Variants in GLI2 observed in about 807,000 individuals in gnomAD.
GLI2 encodes the protein transcription activator GLI2.
Under a neutral mutation model 78.9 loss-of-function variants are expected in GLI2, and 22 were observed. The observed-to-expected ratio is 0.28, with a 90% CI of 0.20 to 0.40. The LOEUF (loss-of-function observed/expected upper bound fraction) is 0.40, where lower values mean the gene tolerates loss of function less well. GLI2 is among the 10% of genes least tolerant of loss of function. The pLI, the probability that GLI2 is intolerant of heterozygous loss-of-function variation, is 1.00. For synonymous variants in GLI2, 974 were observed against 963.7 expected (o/e 1.01, Z -0.20); for missense variants, 2,097 against 2,213.2 (o/e 0.95, Z 1.05).
intron 5 of GLI2, among the ~76,000 whole-genome samples, chr2:120,959,346 A>T (rs570963161): frequency 2.0e-4 from 30 of 152,270 alleles, no homozygotes; most frequent in African/African-American, 6.5e-4. Flanking sequence ...CTCCAGCTCC[A>T]GTATGGGGTG....
At chr2:120,982,366 T>G (rs1305310390) in intron 10 of GLI2, among the ~76,000 whole-genome samples, 2 of 152,226 alleles carry the variant, frequency 1.3e-5, no homozygotes, top group African/African-American at 4.8e-5. Flanking sequence ...TTTAATGATA[T>G]GGGAATATGC....
chr2:120,961,859 C>G (rs1233985142), intron 5 of GLI2, among the ~76,000 whole-genome samples: 2 of 152,210 alleles, frequency 1.3e-5, no homozygotes, highest in Non-Finnish European at 2.9e-5. Context: ...AAAACCTAAT[C>G]CCTGTCTGAG....
At chr2:120,851,016 G>A (rs1008902443) in intron 2 of GLI2, among the ~76,000 whole-genome samples, 1 of 152,154 alleles carries the variant, frequency 6.6e-6, no homozygotes, top group African/African-American at 2.4e-5. Context: ...GGGGACTATT[G>A]CCTTTCATTA....
chr2:120,827,271 C>G (rs543782041), intron 2 of GLI2, among the ~76,000 whole-genome samples: 1 of 152,150 alleles, frequency 6.6e-6, no homozygotes, highest in African/African-American at 2.4e-5. Flanking sequence ...GTGGTGAGCC[C>G]GGCGTCTCTA....
At position 120,955,243 on chromosome 2, in the gene GLI2, A is replaced by G; in HGVS notation, c.458-2A>G. The G allele has an allele frequency of 6.4e-7, 1 of 1,557,200 alleles. No individual in the cohort carries two copies. The highest frequency in any genetic ancestry group is 8.7e-7 in the Non-Finnish European group (1 of 1,150,596). On this transcript the variant is annotated splice_acceptor_variant, in intron 4 of 13. Coordinates refer to ENST00000361492, the MANE Select transcript of GLI2 (RefSeq NM_001374353.1). LOFTEE classifies it high-confidence loss of function. ...GCTTCTTTCTCTCCCCTCTGCCCAC[A>G]GTGGCCCAGGAGCACCTTAAGGAGA...
At chr2:120,821,361 C>G in intron 2 of GLI2, among the ~76,000 whole-genome samples, 1 of 152,190 alleles carries the variant, frequency 6.6e-6, no homozygotes, top group East Asian at 1.9e-4. Flanking sequence ...CATGGCTCAG[C>G]TGAGCAGAAC....
intron 2 of GLI2, among the ~76,000 whole-genome samples, chr2:120,858,697 T>C (rs1408862988): frequency 1.3e-5 from 2 of 152,024 alleles, no homozygotes; most frequent in African/African-American, 2.4e-5. Context: ...AAGCAGGAAA[T>C]GGTGGAGGTG....
In GLI2 at chr2:120,908,818, T is replaced by C. The variant is rs537914691; in HGVS notation, c.149-18543T>C. Among the ~76,000 whole-genome samples the C allele has an allele frequency of 4.6e-5, 7 of 152,276 alleles. No homozygotes were observed. In the South Asian group the frequency reaches 1.5e-3, roughly 32 times the overall value. Reference sequence around the variant, plus strand: ...TGGGTGGTTTGGTTTGGGAATCTTATTTTGCCCAGAAAGGAAGGGGGGAGC... The same window carrying C: ...TGGGTGGTTTGGTTTGGGAATCTTACTTTGCCCAGAAAGGAAGGGGGGAGC... On this transcript the variant is annotated intron_variant, in intron 2 of 13. Transcript: ENST00000361492.
rs369761915 is a variant in GLI2 at position 120,970,528 on chromosome 2, G to A, written c.981G>A (p.Gln327=). Residue 327 remains glutamine (Q), a synonymous_variant, in exon 7 of 14, where the codon CAG becomes CAA. Transcript: ENST00000361492. The stretch of plus-strand genomic sequence containing the variant: ...CCTCACCCACCTTCCTGGCCCAGCA[G>A]CCCATGGCCCTCACCTCCATCAATG... ...IQPSPTFLAQ[Q]PMALTSINAT... The A allele has an allele frequency of 2.5e-6, 4 of 1,614,126 alleles. No individual in the cohort carries two copies. Among genetic ancestry groups the A allele is most frequent in the East Asian group, 2.2e-5 (1 of 44,870 alleles).
chr2:120,797,412 A>T lies in GLI2; in HGVS notation c.92A>T (p.Lys31Met). 6.2e-7 allele frequency: 1 copy of T among 1,614,004 alleles called. No individual in the cohort carries two copies. The highest frequency in any genetic ancestry group is 8.5e-7 in the Non-Finnish European group (1 of 1,179,944). Residue 31 changes from lysine to methionine, a missense_variant, in exon 2 of 14, where the codon AAG (lysine) becomes ATG (methionine). Around this residue, in one of 5 missense-constraint regions of GLI2, gnomAD observed 578 missense variants for 612.0 expected, o/e 0.94. Transcript: ENST00000361492. ...GCTGGCTTCCCCGACCCGGGTAAAA[A>T]GGCCTCTCCTTTGGTGGTGGCTGCA... is the stretch of plus-strand genomic sequence containing the variant. The part of the protein sequence containing the change: ...EAAGFPDPGK[K>M]ASPLVVAAAA...
chr2:120,924,364 T>C (rs189990035), intron 2 of GLI2, among the ~76,000 whole-genome samples: 110 of 152,226 alleles, frequency 7.2e-4, no homozygotes, highest in African/African-American at 2.6e-3. Flanking sequence ...TTAGGCTGGG[T>C]GGAGGGAAAA....
intron 13 of GLI2, 58 bp from the exon 14 acceptor site, chr2:120,988,150 G>C: frequency 6.7e-7 from 1 of 1,501,994 alleles, no homozygotes; most frequent in Non-Finnish European, 9.0e-7. Context: ...ACTGAGCACG[G>C]TCAAAGCAAG....
At chr2:120,900,213 C>G (rs578074127) in intron 2 of GLI2, among the ~76,000 whole-genome samples, 1 of 152,296 alleles carries the variant, frequency 6.6e-6, no homozygotes, top group African/African-American at 2.4e-5. Context: ...CTGCCTTGCT[C>G]TTTTCCCTTC....
At chr2:120,922,036 C>T (rs560487666) in intron 2 of GLI2, among the ~76,000 whole-genome samples, 1 of 152,194 alleles carries the variant, frequency 6.6e-6, no homozygotes, top group Non-Finnish European at 1.5e-5. Context: ...AGCTTCATCC[C>T]CCTCTGACAC....
chr2:120,958,490 T>C (rs1681386065), intron 5 of GLI2, among the ~76,000 whole-genome samples: 1 of 152,038 alleles, frequency 6.6e-6, no homozygotes, highest in African/African-American at 2.4e-5. Flanking sequence ...GGCCAGACAG[T>C]GACATATCGC....
Position 120,988,260 on chromosome 2 carries a change from G to A in GLI2, c.2295G>A (p.Leu765=). 1 of 1,572,600 alleles carries A rather than the reference G, an allele frequency of 6.4e-7. No individual in the cohort carries two copies. Among genetic ancestry groups the A allele is most frequent in the Non-Finnish European group, 8.6e-7 (1 of 1,164,810 alleles). The part of the protein sequence containing the change: ...SGSGGGGPAG[L]LPNPRLSELS... ...GTGGGGGCGGCGGGCCCGCGGGGCT[G>A]CTGCCGAACCCGCGGCTGTCGGAGC... is the stretch of plus-strand genomic sequence containing the variant. The change falls in exon 14 of 14, where the codon CTG becomes CTA. Residue 765 remains leucine, a synonymous_variant. Coordinates refer to ENST00000361492, the MANE Select transcript of GLI2 (RefSeq NM_001374353.1).
At chr2:120,806,519 G>A (rs1684958732) in intron 2 of GLI2, among the ~76,000 whole-genome samples, 1 of 152,192 alleles carries the variant, frequency 6.6e-6, no homozygotes. Context: ...GGTGGGCCCT[G>A]GTGGGAGGAG....
chr2:120,948,094 G>A (rs917393085), intron 3 of GLI2, among the ~76,000 whole-genome samples: 2 of 152,214 alleles, frequency 1.3e-5, no homozygotes, highest in South Asian at 2.1e-4. Context: ...GTGATGGGGC[G>A]GGTAGTGCCT....
Position 120,982,802 on chromosome 2 carries a change from T to C in GLI2, c.1554T>C (p.Cys518=). 6.2e-7 allele frequency: 1 copy of C among 1,614,096 alleles called. No homozygotes were observed. Residue 518 remains cysteine (C), a synonymous_variant, in exon 11 of 14, where the codon TGT becomes TGC. Coordinates refer to ENST00000361492, the MANE Select transcript of GLI2 (RefSeq NM_001374353.1). ...ACACCGGGGAGAAGCCATATGTGTG[T>C]GAGCACGAGGGCTGCAACAAAGCCT... ...RSHTGEKPYV[C]EHEGCNKAFS...
Sources: allele counts gnomAD v4.1 joint callset (sites outside exome capture counted in the v4.1 genomes callset), GRCh38; gene constraint gnomAD v4.1.1; regional missense constraint gnomAD v4.1.1; transcripts MANE v1.5; gene names NCBI Gene and HGNC (gene_info 2026-07-23, HGNC 2026-07-21).